The following PTPDC1 variants were observed in gnomAD, a reference collection of about 807,000 sequenced individuals.
The protein encoded by PTPDC1 is protein tyrosine phosphatase domain-containing protein 1.
A neutral mutation model predicts 75.3 loss-of-function variants in PTPDC1; 53 were observed. That is an observed-to-expected ratio of 0.70 (90% CI 0.56 to 0.88). The LOEUF (loss-of-function observed/expected upper bound fraction) is 0.88. Ranked by LOEUF, PTPDC1 falls within the 40% of genes least tolerant of loss-of-function variation. The probability of loss-of-function intolerance (pLI) is 0.00; values close to 1 mark genes in which losing one functional copy is unlikely to be tolerated. For missense variants in PTPDC1, 925 were observed against 998.6 expected (o/e 0.93, Z 0.99); for synonymous variants, 349 against 366.2 (o/e 0.95, Z 0.54).
At chr9:94,050,594 C>T (rs1027974020) in intron 1 of PTPDC1, among the ~76,000 whole-genome samples, 2 of 152,210 alleles carry the variant, frequency 1.3e-5, no homozygotes, top group African/African-American at 4.8e-5. Context: ...AGAGGAGTAC[C>T]CGACCATGTG....
In PTPDC1 at chr9:94,098,699, C is replaced by T. The variant is rs547778139; in HGVS notation, c.2013+120C>T. The T allele has an allele frequency of 3.6e-5, 31 of 866,448 alleles. No homozygotes were observed. In the African/African-American group the frequency reaches 5.1e-4, roughly 14 times the overall value. 53.7% of individuals were successfully genotyped at this position (866,448 alleles called of 1,614,324 possible). A position where few individuals can be genotyped will look rare whatever the true frequency, so the allele number is the denominator to read the frequency against. ...AATGTGAAGATACGTTTGCATAATA[C>T]TTTCTAACTTCAGGTTTCTCGTCTC... On this transcript the variant is annotated intron_variant, in intron 6 of 8. Coordinates refer to ENST00000620992, the MANE Select transcript of PTPDC1 (RefSeq NM_001253829.2).
chr9:94,087,602 G>T (rs566700029), intron 2 of PTPDC1, among the ~76,000 whole-genome samples: 2 of 152,190 alleles, frequency 1.3e-5, no homozygotes, highest in South Asian at 2.1e-4. Context: ...TGGAGTGGAT[G>T]AAAACGGTTG....
rs369792240 is a variant in PTPDC1, at chr9:94,045,839, T to C, written c.-7+14712T>C. The stretch of plus-strand genomic sequence containing the variant: ...AGTTTCTTTTGCTGTGCAGAAGCTC[T>C]TTAGTTTAATTAGATCCCATTTTTC... On this transcript the variant is annotated intron_variant, in intron 1 of 9. Transcript: ENST00000375360. 1.1e-4 allele frequency among the ~76,000 whole-genome samples: 16 copies of C among 152,174 alleles called. No individual in the cohort carries two copies. The East Asian group carries it at 1.7e-3, about 16-fold the overall frequency.
chr9:94,048,589 TTC>T (rs1212789380), intron 1 of PTPDC1, among the ~76,000 whole-genome samples: 4 of 152,228 alleles, frequency 2.6e-5, no homozygotes, highest in African/African-American at 9.6e-5. Context: ...ACAATTTCTG[TTC>T]TTTTACATTT....
At chr9:94,067,290 T>C (rs1826340057) in intron 2 of PTPDC1, among the ~76,000 whole-genome samples, 1 of 151,856 alleles carries the variant, frequency 6.6e-6, no homozygotes, top group Non-Finnish European at 1.5e-5. Flanking sequence ...CTCGAGAGGC[T>C]GAGGCAGGAG....
chr9:94,095,471 G>T lies in PTPDC1; in HGVS notation c.754+17G>T. ...GTCGAACAGGTAGGTCCTAAGAGGT[G>T]GTTTATTGCCTGTAGGCATATTTAA... is the stretch of plus-strand genomic sequence containing the variant. On this transcript the variant is annotated intron_variant, in intron 5 of 8. Coordinates refer to ENST00000620992, the MANE Select transcript of PTPDC1 (RefSeq NM_001253829.2). The T allele has an allele frequency of 6.3e-7, 1 of 1,591,538 alleles. No homozygotes were observed. Among genetic ancestry groups the T allele is most frequent in the Non-Finnish European group, 8.6e-7 (1 of 1,168,458 alleles).
chr9:94,032,878 T>A (rs887140464), intron 1 of PTPDC1, among the ~76,000 whole-genome samples: 1 of 152,124 alleles, frequency 6.6e-6, no homozygotes, highest in South Asian at 2.1e-4. Flanking sequence ...TTTTTTAAGT[T>A]TGAAACAGTG....
At chr9:94,105,748 C>T (rs1016379548) in intron 8 of PTPDC1, among the ~76,000 whole-genome samples, 29 of 149,822 alleles carry the variant, frequency 1.9e-4, no homozygotes, top group Middle Eastern at 3.7e-3. Context: ...GTGGGCAGAT[C>T]ACGAGGTCAG....
At chr9:94,089,198 T>C (rs1263578077) in intron 4 of PTPDC1, among the ~76,000 whole-genome samples, 1 of 145,272 alleles carries the variant, frequency 6.9e-6, no homozygotes, top group Admixed American at 6.8e-5. Flanking sequence ...CATCTAGCAT[T>C]AGGTATATCT....
rs181459114 is a variant in PTPDC1 at position 94,050,595 on chromosome 9, C to T, written c.-6-14139C>T. On this transcript the variant is annotated intron_variant, in intron 1 of 9. Coordinates refer to the PTPDC1 transcript ENST00000375360. ...GGAAGTTTTGTCTCAGAGGAGTACC[C>T]GACCATGTGAGGTGTCAGACTGCCC... Among the ~76,000 whole-genome samples, 432 of 152,294 alleles carry T rather than the reference C, an allele frequency of 2.8e-3. 1 individual carries two copies. Among genetic ancestry groups the T allele is most frequent in the Non-Finnish European group, 5.1e-3 (349 of 68,024 alleles).
intron 1 of PTPDC1, among the ~76,000 whole-genome samples, chr9:94,060,163 A>G (rs1826083212): frequency 6.6e-6 from 1 of 152,266 alleles, no homozygotes; most frequent in Admixed American, 6.5e-5. Flanking sequence ...TGAGGGGAGC[A>G]TGATCACTAG....
intron 1 of PTPDC1, among the ~76,000 whole-genome samples, chr9:94,036,001 C>T (rs988731488): frequency 2.0e-5 from 3 of 150,290 alleles, no homozygotes; most frequent in Admixed American, 6.6e-5. Flanking sequence ...AGGTCCTTTG[C>T]CCATTTTTAA....
intron 2 of PTPDC1, among the ~76,000 whole-genome samples, chr9:94,068,416 G>A (rs1255255206): frequency 6.6e-6 from 1 of 151,362 alleles, no homozygotes; most frequent in African/African-American, 2.4e-5. Flanking sequence ...TTTGTAACAT[G>A]TTCCTCAGTT....
At chr9:94,057,792 T>G (rs1281481888) in intron 1 of PTPDC1, among the ~76,000 whole-genome samples, 1 of 152,226 alleles carries the variant, frequency 6.6e-6, no homozygotes, top group Non-Finnish European at 1.5e-5. Flanking sequence ...TATAAATGAA[T>G]GTTTTTATGC....
intron 4 of PTPDC1, among the ~76,000 whole-genome samples, chr9:94,094,829 G>A (rs1018164208): frequency 6.6e-6 from 1 of 152,256 alleles, no homozygotes; most frequent in Admixed American, 6.5e-5. Context: ...GGGTGGGAGT[G>A]ACCCGACTTT....
chr9:94,061,261 C>T (rs529024873), intron 1 of PTPDC1, among the ~76,000 whole-genome samples: 8 of 152,340 alleles, frequency 5.3e-5, no homozygotes, highest in African/African-American at 1.7e-4. Context: ...GGTGGGCTCC[C>T]AAGGCCTTGG....
chr9:94,104,101 A>C (rs1827933904), intron 7 of PTPDC1, among the ~76,000 whole-genome samples, 174 bp from the exon 8 acceptor site: 1 of 152,262 alleles, frequency 6.6e-6, no homozygotes, highest in African/African-American at 2.4e-5. Flanking sequence ...TTCAAATTAT[A>C]TTAACACATA....
rs937463178 is a variant in PTPDC1 at position 94,097,647 on chromosome 9, A to T, written c.1081A>T (p.Met361Leu). Residue 361 changes from methionine (M) to leucine (L), a missense_variant, in exon 6 of 9, where the codon ATG (methionine) becomes TTG (leucine). Physicochemically the swap from Met to Leu is conservative, Grantham distance 15. Coordinates refer to ENST00000620992, the MANE Select transcript of PTPDC1 (RefSeq NM_001253829.2). ...CTTAGCGGAGAACAGGCCAGTGATG[A>T]TGAAGGATGTGTCCGAAGGACCTGG... ...LDLAENRPVM[M>L]KDVSEGPGLS... 1 of 1,614,136 alleles carries T rather than the reference A, an allele frequency of 6.2e-7. No homozygotes were observed. Among genetic ancestry groups the T allele is most frequent in the Non-Finnish European group, 8.5e-7 (1 of 1,180,026 alleles).
In PTPDC1 at chr9:94,098,068, C is replaced by G. The variant is rs750647298; in HGVS notation, c.1502C>G (p.Ala501Gly). ...CCAGAACCAGACTTACACAAGGAAG[C>G]CTTGGTTCGCAGCACACTTTCTTTC... The part of the protein sequence containing the change: ...QSPEPDLHKE[A>G]LVRSTLSFWS... The change falls in exon 6 of 9, where the codon GCC (alanine) becomes GGC (glycine). Residue 501 changes from alanine to glycine, a missense_variant. Physicochemically the swap from Ala to Gly is moderately conservative, Grantham distance 60. Coordinates refer to ENST00000620992, the MANE Select transcript of PTPDC1 (RefSeq NM_001253829.2). The G allele has an allele frequency of 1.2e-6, 2 of 1,614,178 alleles. No individual in the cohort carries two copies. The highest frequency in any genetic ancestry group is 2.2e-5 in the East Asian group (1 of 44,886).
Sources: gnomAD v4.1 joint callset for allele counts (sites outside exome capture counted in the v4.1 genomes callset) on GRCh38, gnomAD v4.1.1 for gene constraint, MANE v1.5 for transcripts, NCBI Gene and HGNC (gene_info 2026-07-23, HGNC 2026-07-21) for gene names.